PDE9A: variants seen among roughly 807,000 people sequenced by gnomAD.
The protein encoded by PDE9A is high affinity cGMP-specific 3',5'-cyclic phosphodiesterase 9A.
In PDE9A, 60 loss-of-function variants were observed where a neutral mutation model predicts 87.4. The ratio of observed to expected loss-of-function variants is 0.69; its 90% confidence interval spans 0.56 to 0.85. The LOEUF is 0.85. Ranked by LOEUF, PDE9A falls within the 40% of genes least tolerant of loss-of-function variation. The pLI, the probability that PDE9A is intolerant of heterozygous loss-of-function variation, is 0.00. For missense variants in PDE9A, 665 were observed against 779.0 expected (o/e 0.85, Z 1.74); for synonymous variants, 272 against 279.4 (o/e 0.97, Z 0.27).
At chr21:42,771,382 C>T (rs553679565) in intron 18 of PDE9A, among the ~76,000 whole-genome samples, 227 of 152,344 alleles carry the variant, frequency 1.5e-3, no homozygotes, top group African/African-American at 5.3e-3. Flanking sequence ...AGTCTTTCTA[C>T]GGATTCCCCA....
chr21:42,725,867 G>A (rs550627205), intron 4 of PDE9A, among the ~76,000 whole-genome samples: 71 of 152,272 alleles, frequency 4.7e-4, no homozygotes, highest in Non-Finnish European at 9.1e-4. Context: ...CCTGGTGCTT[G>A]CATCTTTAGT....
chr21:42,760,495 C>A lies in PDE9A; in HGVS notation c.1002+63C>A. Reference sequence around the variant, plus strand: ...CGGGGGTCAGACGGAGGCCCCCTTCCAGGGAGCGGCAGCCCCATCCCACCA... The same window carrying A: ...CGGGGGTCAGACGGAGGCCCCCTTCAAGGGAGCGGCAGCCCCATCCCACCA... On this transcript the variant is annotated intron_variant, in intron 12 of 19. Transcript: ENST00000291539. The surrounding 1 kb of genome is among the most constrained non-coding windows in gnomAD (Gnocchi z 5.2). The A allele has an allele frequency of 1.0e-6, 1 of 1,004,812 alleles. No homozygotes were observed. Among genetic ancestry groups the A allele is most frequent in the Non-Finnish European group, 1.5e-6 (1 of 658,536 alleles). The allele number at this position is 1,004,812 out of a possible 1,614,324, so 62.2% of individuals were successfully genotyped here.
chr21:42,670,067 ACACT>A (rs1178807040), intron 1 of PDE9A, among the ~76,000 whole-genome samples: 7 of 152,004 alleles, frequency 4.6e-5, no homozygotes, highest in Admixed American at 2.6e-4. Flanking sequence ...ACACATTCAC[ACACT>A]CACATACTTA....
intron 10 of PDE9A, 121 bp downstream of exon 10, chr21:42,754,185 T>TG (rs1491470683): frequency 4.4e-5 from 23 of 517,970 alleles, no homozygotes; most frequent in African/African-American, 3.1e-4. Flanking sequence ...TTTTAAAGAC[T>TG]GAAAAAAAAA....
intron 9 of PDE9A, among the ~76,000 whole-genome samples, chr21:42,751,418 A>G (rs916839671): frequency 6.6e-6 from 1 of 152,256 alleles, no homozygotes. Context: ...CCCTGCAAGG[A>G]CATAACAGCT....
intron 17 of PDE9A, among the ~76,000 whole-genome samples, chr21:42,769,635 C>G (rs546795210): frequency 8.5e-5 from 4 of 46,928 alleles, no homozygotes; most frequent in South Asian, 1.1e-3. Flanking sequence ...CACACACAGG[C>G]ACACACAGGG....
chr21:42,717,763 T>A (rs541357823), intron 4 of PDE9A, among the ~76,000 whole-genome samples: 2 of 151,614 alleles, frequency 1.3e-5, no homozygotes, highest in African/African-American at 4.8e-5. Context: ...GCATTCACAG[T>A]TTGTTTTCTT....
At chr21:42,667,918 C>T (rs1173729144) in intron 1 of PDE9A, among the ~76,000 whole-genome samples, 2 of 152,148 alleles carry the variant, frequency 1.3e-5, no homozygotes, top group East Asian at 1.9e-4. Context: ...TCTCCCCTCC[C>T]TTATCCCATT....
At chr21:42,715,088 A>C (rs2049751252) in intron 4 of PDE9A, among the ~76,000 whole-genome samples, 1 of 149,022 alleles carries the variant, frequency 6.7e-6, no homozygotes, top group Non-Finnish European at 1.5e-5. Flanking sequence ...TAATTGAATA[A>C]ATTTTTGTTT....
In PDE9A at chr21:42,732,066, G is replaced by A; in HGVS notation, c.443-4G>A. 6.2e-7 allele frequency: 1 copy of A among 1,614,132 alleles called. No homozygotes were observed. The highest frequency in any genetic ancestry group is 8.5e-7 in the Non-Finnish European group (1 of 1,179,936). On this transcript the variant is annotated splice_polypyrimidine_tract_variant and splice_region_variant and intron_variant, in intron 5 of 19. Coordinates refer to ENST00000291539, the MANE Select transcript of PDE9A (RefSeq NM_002606.3). Reference sequence around the variant, plus strand: ...TCCATCTGTCTTTCTTCTTTGGTTTGTAGAGAGAGAAGAATTAATCCAGAG... The same window carrying A: ...TCCATCTGTCTTTCTTCTTTGGTTTATAGAGAGAGAAGAATTAATCCAGAG...
chr21:42,733,370 A>G lies in PDE9A; in HGVS notation c.512A>G (p.Asn171Ser). 6.3e-7 allele frequency: 1 copy of G among 1,592,354 alleles called. No homozygotes were observed. Among genetic ancestry groups the G allele is most frequent in the Non-Finnish European group, 8.6e-7 (1 of 1,160,062 alleles). ...AEQFSRAFKI[N>S]ELKAEVANHL... is the part of the protein sequence containing the mutation. The stretch of plus-strand genomic sequence containing the variant: ...TTCATTCCTAGAGCATTCAAAATCA[A>G]TGAACTGAAAGCTGAAGTTGCAAAT... Residue 171 changes from asparagine to serine, a missense_variant, in exon 7 of 20, where the codon AAT becomes AGT. Transcript: ENST00000291539.
In PDE9A at chr21:42,736,396, C is replaced by T. The variant is rs186181628; in HGVS notation, c.568+2970C>T. Among the ~76,000 whole-genome samples, 266 of 152,272 alleles carry T rather than the reference C, an allele frequency of 1.7e-3. 1 individual carries two copies. The highest frequency in any genetic ancestry group is 6.2e-3 in the African/African-American group (259 of 41,532). On this transcript the variant is annotated intron_variant, in intron 7 of 19. Coordinates refer to ENST00000291539, the MANE Select transcript of PDE9A (RefSeq NM_002606.3). ...GGAAATGGCCCATAGGACCTTCCCCCCTAGCCTGTTCTGGCTGCGGAATTC... is the reference window on the plus strand; with the variant it reads ...GGAAATGGCCCATAGGACCTTCCCCTCTAGCCTGTTCTGGCTGCGGAATTC...
Position 42,731,671 on chromosome 21 carries a change from G to C in PDE9A, c.263-99G>C, listed in dbSNP as rs987975900. ...CGTGTTCTGAATTGAGACGTGCCTT[G>C]CACTCACTTTGTCCCAGTAATTGCC... On this transcript the variant is annotated intron_variant, in intron 4 of 19. Transcript: ENST00000291539. 7 of 1,202,206 alleles carry C rather than the reference G, an allele frequency of 5.8e-6. No individual in the cohort carries two copies. In the African/African-American group the frequency reaches 1.1e-4, roughly 18 times the overall value. The allele number at this position is 1,202,206 out of a possible 1,614,324, so 74.5% of individuals were successfully genotyped here. A position where few individuals can be genotyped will look rare whatever the true frequency, so the allele number is the denominator to read the frequency against.
chr21:42,752,751 A>G (rs1238551701), intron 9 of PDE9A, among the ~76,000 whole-genome samples: 2 of 152,266 alleles, frequency 1.3e-5, no homozygotes, highest in Non-Finnish European at 2.9e-5. Flanking sequence ...CTAGGAGAAG[A>G]CAGTGTGCAA....
intron 1 of PDE9A, among the ~76,000 whole-genome samples, chr21:42,666,140 C>A (rs908461953): frequency 6.6e-6 from 1 of 152,156 alleles, no homozygotes; most frequent in Non-Finnish European, 1.5e-5. Context: ...GGCGTGGCCA[C>A]AACCGAGAGG....
intron 6 of PDE9A, 132 bp downstream of exon 6, chr21:42,732,256 C>T (rs1422651931): frequency 2.0e-5 from 16 of 811,884 alleles, no homozygotes; most frequent in Non-Finnish European, 3.0e-5. Flanking sequence ...GAGGAGCTGC[C>T]CGCACGGTGG....
chr21:42,719,931 C>A (rs7278264), intron 4 of PDE9A, among the ~76,000 whole-genome samples: 107,973 of 152,068 alleles, frequency 0.71, 40,188 homozygotes, highest in East Asian at 0.94. Context: ...ATTGGATCAC[C>A]GAATTGCCTG....
chr21:42,707,705 C>T (rs927858073), intron 4 of PDE9A, among the ~76,000 whole-genome samples: 10 of 152,314 alleles, frequency 6.6e-5, no homozygotes, highest in South Asian at 2.1e-4. Flanking sequence ...AGCCCCCTGG[C>T]ATACTCATTT....
intron 14 of PDE9A, among the ~76,000 whole-genome samples, chr21:42,763,677 G>A (rs1173815933): frequency 6.6e-6 from 1 of 152,142 alleles, no homozygotes; most frequent in Admixed American, 6.6e-5. Flanking sequence ...CGTCTTCTGC[G>A]GTTCCACAAG....
Sources: allele counts gnomAD v4.1 joint callset (sites outside exome capture counted in the v4.1 genomes callset), GRCh38; gene constraint gnomAD v4.1.1; non-coding constraint Gnocchi (gnomAD v3.1); transcripts MANE v1.5; gene names NCBI Gene and HGNC (gene_info 2026-07-23, HGNC 2026-07-21).